The following DAAM1 variants were observed in gnomAD, a reference collection of about 807,000 sequenced individuals.
DAAM1 encodes the protein disheveled-associated activator of morphogenesis 1.
In DAAM1, 52 loss-of-function variants were observed where a neutral mutation model predicts 130.0. The observed-to-expected ratio is 0.40, with a 90% CI of 0.32 to 0.50. The LOEUF (loss-of-function observed/expected upper bound fraction) is 0.50. DAAM1 is among the 20% of genes least tolerant of loss of function. The pLI, the probability that DAAM1 is intolerant of heterozygous loss-of-function variation, is 0.61. For synonymous variants in DAAM1, 452 were observed against 444.5 expected (o/e 1.02, Z -0.21); for missense variants, 1,134 against 1,303.8 (o/e 0.87, Z 2.01).
chr14:59,250,897 T>G (rs1245230892), intron 1 of DAAM1, among the ~76,000 whole-genome samples: 1 of 152,260 alleles, frequency 6.6e-6, no homozygotes, highest in African/African-American at 2.4e-5. Flanking sequence ...CTGTCTTTTA[T>G]TCTGAATATG....
chr14:59,316,969 G>A (rs1884817322), intron 4 of DAAM1, among the ~76,000 whole-genome samples: 1 of 152,198 alleles, frequency 6.6e-6, no homozygotes, highest in Non-Finnish European at 1.5e-5. Flanking sequence ...CTTGTCTGAA[G>A]TAGACCTGGT....
chr14:59,273,847 CTG>C (rs1235728146), intron 2 of DAAM1, among the ~76,000 whole-genome samples: 1 of 152,164 alleles, frequency 6.6e-6, no homozygotes, highest in East Asian at 1.9e-4. Context: ...TCTTGATGCT[CTG>C]GGAATTATCT....
intron 1 of DAAM1, among the ~76,000 whole-genome samples, chr14:59,209,512 A>G (rs1594758246): frequency 6.6e-6 from 1 of 152,334 alleles, no homozygotes; most frequent in South Asian, 2.1e-4. Context: ...TGCATTCAGT[A>G]GAAATTGTAC....
chr14:59,195,328 A>G (rs560191158), intron 1 of DAAM1, among the ~76,000 whole-genome samples: 135 of 152,062 alleles, frequency 8.9e-4, no homozygotes, highest in South Asian at 2.5e-3. Flanking sequence ...TATTTTTAGT[A>G]GAGATGGGGT....
At chr14:59,311,461 A>G (rs1192979399) in intron 3 of DAAM1, among the ~76,000 whole-genome samples, 1 of 152,102 alleles carries the variant, frequency 6.6e-6, no homozygotes, top group Non-Finnish European at 1.5e-5. Context: ...TCTTGTCCTG[A>G]CAATGCATAA....
At chr14:59,236,077 C>A (rs574713331) in intron 1 of DAAM1, among the ~76,000 whole-genome samples, 2 of 151,966 alleles carry the variant, frequency 1.3e-5, no homozygotes. Flanking sequence ...AAATTTTGTT[C>A]CCCCCAACCC....
rs998244701 is a variant in DAAM1, at chr14:59,228,131, A to G, written c.-37-35310A>G. Among the ~76,000 whole-genome samples, 20 of 152,216 alleles carry G rather than the reference A, an allele frequency of 1.3e-4. 1 individual carries two copies. The highest frequency in any genetic ancestry group is 1.0e-3 in the Admixed American group (16 of 15,274). On this transcript the variant is annotated intron_variant, in intron 1 of 24. Transcript: ENST00000360909. ...TTTTTCTTCTAAATCTTAAGGGAAG[A>G]AAAAAAATCATAGGCTGTAATAATG... is the stretch of plus-strand genomic sequence containing the variant.
Position 59,326,491 on chromosome 14 carries a change from C to G in DAAM1, c.1175-19C>G, listed in dbSNP as rs557105973. Reference sequence around the variant, plus strand: ...GAAACAACTTGAAGATTTTTTTTCACTATTCTTTTCTTTTTTAGACAAGAG... The same window carrying G: ...GAAACAACTTGAAGATTTTTTTTCAGTATTCTTTTCTTTTTTAGACAAGAG... On this transcript the variant is annotated intron_variant, in intron 10 of 24. Coordinates refer to ENST00000360909, the MANE Select transcript of DAAM1 (RefSeq NM_001270520.2). 2.6e-6 allele frequency: 4 copies of G among 1,554,386 alleles called. No individual in the cohort carries two copies. Among genetic ancestry groups the G allele is most frequent in the African/African-American group, 2.8e-5 (2 of 72,218 alleles).
intron 2 of DAAM1, chr14:59,266,259 A>T (rs538628812): frequency 6.6e-5 from 10 of 152,110 alleles, no homozygotes; most frequent in African/African-American, 2.4e-4. Context: ...AAGGAAAAAA[A>T]AAAAGTCAAC....
At chr14:59,283,867 G>T (rs535163796) in intron 2 of DAAM1, among the ~76,000 whole-genome samples, 1 of 152,114 alleles carries the variant, frequency 6.6e-6, no homozygotes, top group Non-Finnish European at 1.5e-5. Context: ...AAGACAGGCC[G>T]ATGAGTGGAG....
At chr14:59,353,088 A>G (rs1375903309) in intron 18 of DAAM1, among the ~76,000 whole-genome samples, 2 of 152,148 alleles carry the variant, frequency 1.3e-5, no homozygotes, top group Non-Finnish European at 2.9e-5. Flanking sequence ...ATGTCAGATC[A>G]TGACACATGC....
chr14:59,313,131 C>G (rs531136926), intron 3 of DAAM1, among the ~76,000 whole-genome samples: 1 of 152,318 alleles, frequency 6.6e-6, no homozygotes, highest in East Asian at 1.9e-4. Context: ...TATGTTTCTA[C>G]AGAGCAACAA....
intron 2 of DAAM1, among the ~76,000 whole-genome samples, chr14:59,268,591 G>T (rs1224716922): frequency 6.6e-6 from 1 of 152,274 alleles, no homozygotes; most frequent in Admixed American, 6.5e-5. Context: ...AATAACTCGG[G>T]AATTGTGTGT....
At chr14:59,301,819 G>A (rs1375124455) in intron 3 of DAAM1, among the ~76,000 whole-genome samples, 4 of 152,052 alleles carry the variant, frequency 2.6e-5, no homozygotes, top group South Asian at 2.1e-4. Context: ...TTTTGAGCTC[G>A]TTTCTACAGA....
chr14:59,289,352 CAT>C (rs1883614617), intron 2 of DAAM1, among the ~76,000 whole-genome samples: 1 of 152,154 alleles, frequency 6.6e-6, no homozygotes, highest in African/African-American at 2.4e-5. Context: ...TACAGTTTGA[CAT>C]GAGATTTGGG....
At chr14:59,239,744 A>G (rs1889419470) in intron 1 of DAAM1, among the ~76,000 whole-genome samples, 1 of 152,128 alleles carries the variant, frequency 6.6e-6, no homozygotes, top group Non-Finnish European at 1.5e-5. Flanking sequence ...GATTGTGGCC[A>G]TCTTTGAGAA....
At chr14:59,291,158 C>T (rs1233267263) in intron 2 of DAAM1, 59 bp from the exon 3 acceptor site, 18 of 1,358,310 alleles carry the variant, frequency 1.3e-5, no homozygotes, top group South Asian at 2.7e-5. Context: ...ATACTGATAA[C>T]GTTCTCTACA....
intron 3 of DAAM1, among the ~76,000 whole-genome samples, chr14:59,303,031 A>G (rs1428048835): frequency 6.6e-6 from 1 of 152,188 alleles, no homozygotes; most frequent in African/African-American, 2.4e-5. Flanking sequence ...TCAGTTGCCA[A>G]GGTAGGAGTC....
intron 1 of DAAM1, among the ~76,000 whole-genome samples, chr14:59,262,341 T>G (rs1459881496): frequency 6.6e-6 from 1 of 152,174 alleles, no homozygotes; most frequent in Non-Finnish European, 1.5e-5. Context: ...ACTTGGTTTT[T>G]TCAATAGACA....
Sources: allele counts gnomAD v4.1 joint callset (sites outside exome capture counted in the v4.1 genomes callset), GRCh38; gene constraint gnomAD v4.1.1; transcripts MANE v1.5; gene names NCBI Gene and HGNC (gene_info 2026-07-23, HGNC 2026-07-21).